The following TENM4 variants were observed in gnomAD, a reference collection of about 807,000 sequenced individuals.
TENM4 encodes the protein teneurin-4.
In TENM4, 82 loss-of-function variants were observed where a neutral mutation model predicts 243.3. The ratio of observed to expected loss-of-function variants is 0.34; its 90% CI spans 0.28 to 0.40. TENM4 has a LOEUF of 0.40. Ranked by LOEUF, TENM4 falls within the 10% of genes least tolerant of loss-of-function variation. TENM4 has a pLI of 1.00. For synonymous variants in TENM4, 1,412 were observed against 1,456.3 expected, an observed-to-expected ratio of 0.97 and a Z score of 0.69; for missense variants, 3,138 against 3,673.3, an observed-to-expected ratio of 0.85 and a Z score of 3.77.
chr11:78,738,399 A>G, intron 20 of TENM4, 52 bp downstream of exon 20: 1 of 1,578,862 alleles, frequency 6.3e-7, no homozygotes, highest in Non-Finnish European at 8.6e-7. Flanking sequence ...CTATATGGCA[A>G]GACCACAAGA....
chr11:79,231,646 C>A (rs1391300681), intron 2 of TENM4, among the ~76,000 whole-genome samples: 1 of 152,196 alleles, frequency 6.6e-6, no homozygotes, highest in Non-Finnish European at 1.5e-5. Flanking sequence ...GATCATGATA[C>A]CCACCCTCAG....
chr11:79,287,795 AG>A (rs1856283255), intron 2 of TENM4, among the ~76,000 whole-genome samples: 1 of 152,212 alleles, frequency 6.6e-6, no homozygotes, highest in African/African-American at 2.4e-5. Flanking sequence ...TAGGCAAAAA[AG>A]TAATTGTCTC....
intron 6 of TENM4, among the ~76,000 whole-genome samples, chr11:79,046,011 C>G (rs1859646233): frequency 6.6e-6 from 1 of 152,240 alleles, no homozygotes; most frequent in South Asian, 2.1e-4. Flanking sequence ...TCGAGAGCAT[C>G]TGCACTTTGC....
intron 6 of TENM4, among the ~76,000 whole-genome samples, chr11:78,999,323 C>T (rs985445987): frequency 1.3e-5 from 2 of 152,128 alleles, no homozygotes; most frequent in South Asian, 4.1e-4. Context: ...ACCATCCTGG[C>T]TAACATGGTG....
intron 6 of TENM4, among the ~76,000 whole-genome samples, chr11:78,937,034 T>C (rs1162884146): frequency 6.6e-6 from 1 of 152,168 alleles, no homozygotes; most frequent in Non-Finnish European, 1.5e-5. Flanking sequence ...CATCAAATTA[T>C]TTATCATTAT....
At chr11:79,413,129 G>A (rs561323031) in intron 1 of TENM4, among the ~76,000 whole-genome samples, 1 of 152,176 alleles carries the variant, frequency 6.6e-6, no homozygotes, top group East Asian at 1.9e-4. Flanking sequence ...ATTTTCAAAG[G>A]GCTGTAACCA....
intron 3 of TENM4, among the ~76,000 whole-genome samples, chr11:79,152,876 GCATTCA>G (rs1862537624): frequency 6.6e-6 from 1 of 152,184 alleles, no homozygotes; most frequent in Admixed American, 6.5e-5. Flanking sequence ...AAACCCAACG[GCATTCA>G]TCAAGAGGAC....
At chr11:79,300,983 A>T (rs2135398334) in intron 1 of TENM4, among the ~76,000 whole-genome samples, 1 of 152,204 alleles carries the variant, frequency 6.6e-6, no homozygotes, top group East Asian at 1.9e-4. Flanking sequence ...AAGTCCTATC[A>T]GTTCTACCTC....
intron 22 of TENM4, among the ~76,000 whole-genome samples, 183 bp from the exon 23 acceptor site, chr11:78,726,405 C>CT (rs1424114283): frequency 1.3e-5 from 2 of 152,050 alleles, no homozygotes; most frequent in Non-Finnish European, 2.9e-5. Context: ...ATCATTTTTT[C>CT]TTTTTTTTGG....
At chr11:78,677,102 T>C (rs779634395) in intron 29 of TENM4, among the ~76,000 whole-genome samples, 114 of 152,298 alleles carry the variant, frequency 7.5e-4, no homozygotes, top group African/African-American at 2.6e-3. Context: ...AGCCACACAA[T>C]TGTATGTTTT....
At chr11:78,838,805 G>T (rs1270173443) in intron 12 of TENM4, among the ~76,000 whole-genome samples, 2 of 152,076 alleles carry the variant, frequency 1.3e-5, no homozygotes, top group Non-Finnish European at 2.9e-5. Flanking sequence ...TTTATGGAGG[G>T]TCATCCAATG....
rs551686371 is a variant in TENM4, at chr11:79,288,069, C to T, written c.-265+9419G>A. ...AGACCTCTCTACCAAATACCTCTTC[C>T]TTGAAGGAGAAGGATGGTAGATATA... On this transcript the variant is annotated intron_variant, in intron 2 of 33. Coordinates refer to ENST00000278550, the MANE Select transcript of TENM4 (RefSeq NM_001098816.3). 7.2e-5 allele frequency among the ~76,000 whole-genome samples: 11 copies of T among 152,320 alleles called. No homozygotes were observed. In the East Asian group the frequency reaches 1.3e-3, roughly 19 times the overall value.
chr11:79,278,028 C>T (rs946202105), intron 2 of TENM4, among the ~76,000 whole-genome samples: 1 of 152,162 alleles, frequency 6.6e-6, no homozygotes, highest in African/African-American at 2.4e-5. Flanking sequence ...CTGCCTGAGG[C>T]AGCATAGCAA....
intron 25 of TENM4, 120 bp from the exon 26 acceptor site, chr11:78,712,834 G>T (rs1859432278): frequency 5.2e-6 from 5 of 953,256 alleles, no homozygotes; most frequent in Middle Eastern, 3.3e-4. Flanking sequence ...TGGGGATGAT[G>T]CCCCTATTTT....
At chr11:79,357,065 C>T (rs1018227860) in intron 1 of TENM4, among the ~76,000 whole-genome samples, 5 of 152,268 alleles carry the variant, frequency 3.3e-5, no homozygotes, top group Middle Eastern at 3.4e-3. Context: ...TTTCACTCTG[C>T]CCCCAACAAA....
chr11:79,418,881 G>A (rs928794517), intron 1 of TENM4, among the ~76,000 whole-genome samples: 2 of 152,152 alleles, frequency 1.3e-5, no homozygotes, highest in Admixed American at 6.5e-5. Flanking sequence ...CCTGGAAATT[G>A]GACACTCTTA....
intron 3 of TENM4, among the ~76,000 whole-genome samples, chr11:79,197,761 G>A (rs985793144): frequency 1.3e-5 from 2 of 152,180 alleles, no homozygotes; most frequent in Non-Finnish European, 2.9e-5. Flanking sequence ...GACGTGGTGG[G>A]GGGAAACCTG....
rs755853085 is a variant in TENM4 at position 78,669,710 on chromosome 11, A to T, written c.6635T>A (p.Leu2212His). The T allele has an allele frequency of 2.9e-5, 46 of 1,613,768 alleles. No homozygotes were observed. Among genetic ancestry groups the T allele is most frequent in the Non-Finnish European group, 3.8e-5 (45 of 1,179,898 alleles). The change falls in exon 32 of 34, where the codon CTC (leucine) becomes CAC (histidine). Residue 2212 changes from leucine (L) to histidine (H), a missense_variant. Physicochemically the swap from Leu to His is moderately conservative, Grantham distance 99. This residue lies in a region of TENM4 where 2,467 missense variants were observed against 3,059.1 expected (regional missense o/e 0.81). Coordinates refer to ENST00000278550, the MANE Select transcript of TENM4 (RefSeq NM_001098816.3). The surrounding 1 kb of genome is among the most constrained non-coding windows in gnomAD (Gnocchi z 6.4). ...ATTGAGGTCGTAGCTGTAGCGCCAG[A>T]GTGGCTTGTCATTGATGGAGACTGT... The part of the protein sequence containing the change: ...LQTVSINDKP[L>H]WRYSYDLNGN...
chr11:78,892,816 G>A (rs1855699652), intron 7 of TENM4, among the ~76,000 whole-genome samples: 1 of 152,108 alleles, frequency 6.6e-6, no homozygotes, highest in African/African-American at 2.4e-5. Context: ...CTTTTCTAAG[G>A]CCATATCATA....
Sources: gnomAD v4.1 joint callset for allele counts (sites outside exome capture counted in the v4.1 genomes callset) on GRCh38, gnomAD v4.1.1 for gene constraint, gnomAD v4.1.1 regional missense constraint, Gnocchi (gnomAD v3.1) non-coding constraint, MANE v1.5 for transcripts, NCBI Gene and HGNC (gene_info 2026-07-23, HGNC 2026-07-21) for gene names.